The following NBEAL2 variants were observed in gnomAD, a reference collection of about 807,000 sequenced individuals.
NBEAL2 encodes the protein neurobeachin like 2.
A neutral mutation model predicts 299.8 loss-of-function variants in NBEAL2; 160 were observed. The observed-to-expected ratio is 0.53, with a 90% CI of 0.47 to 0.61. NBEAL2 has a LOEUF of 0.61. Among genes scored for constraint, NBEAL2 ranks in the 20% least tolerant of loss-of-function variants. The probability of loss-of-function intolerance (pLI) is 0.00; values close to 1 mark genes in which losing one functional copy is unlikely to be tolerated. For synonymous variants in NBEAL2, 1,493 were observed against 1,542.3 expected, an observed-to-expected ratio of 0.97 and a Z score of 0.75; for missense variants, 3,112 against 3,649.0, an observed-to-expected ratio of 0.85 and a Z score of 3.79.
chr3:47,001,904 T>C lies in NBEAL2; in HGVS notation c.4783-16T>C. On this transcript the variant is annotated splice_polypyrimidine_tract_variant and intron_variant, in intron 30 of 53. Transcript: ENST00000450053. The surrounding 1 kb of genome is among the most constrained non-coding windows in gnomAD (Gnocchi z 6.1). ...CAAGAGTGGCTGGGTGCCACTCATC[T>C]CTCTTGCGCCCACAGCTGCATGCCC... The C allele has an allele frequency of 6.2e-7, 1 of 1,604,958 alleles. No homozygotes were observed. The highest frequency in any genetic ancestry group is 8.5e-7 in the Non-Finnish European group (1 of 1,173,518).
Position 46,996,508 on chromosome 3 carries a change from A to G in NBEAL2, c.2389A>G (p.Thr797Ala), listed in dbSNP as rs538840044. Reference protein sequence around the residue: ...GTQDTRWGSPTSLEGELGAVA... With the variant: ...GTQDTRWGSPASLEGELGAVA... ...CCAGGACACTCGGTGGGGCAGCCCC[A>G]CATCCCTGGAGGGTGAGCTGGGGGC... is the stretch of plus-strand genomic sequence containing the variant. The change falls in exon 16 of 54, where the codon ACA becomes GCA. Residue 797 changes from threonine to alanine, a missense_variant. Thr to Ala is a moderately conservative substitution (Grantham distance 58). Transcript: ENST00000450053. The G allele has an allele frequency of 3.8e-6, 6 of 1,576,884 alleles. No homozygotes were observed. In the Admixed American group the frequency reaches 8.8e-5, roughly 23 times the overall value.
chr3:46,994,931 T>C (rs1272239749), intron 12 of NBEAL2, 101 bp from the exon 13 acceptor site: 8 of 1,439,550 alleles, frequency 5.6e-6, no homozygotes, highest in East Asian at 5.0e-5. Context: ...GAGTAGATCA[T>C]GTTGCTGACT....
chr3:47,008,323 T>C lies in NBEAL2; in HGVS notation c.7760T>C (p.Phe2587Ser), dbSNP rs367818981. The C allele has an allele frequency of 1.2e-6, 2 of 1,613,284 alleles. No homozygotes were observed. The highest frequency in any genetic ancestry group is 1.7e-6 in the Non-Finnish European group (2 of 1,179,608). Reference protein sequence around the residue: ...VIIHTVRRGQFVAALRPLGAT... With the variant: ...VIIHTVRRGQSVAALRPLGAT... ...ATACACACTGTACGCCGCGGACAGT[T>C]TGTAGCGGCACTACGGCCTCTGGGT... Residue 2587 changes from phenylalanine to serine, a missense_variant, in exon 51 of 54, where the codon TTT becomes TCT. Phe to Ser is a radical substitution (Grantham distance 155). Coordinates refer to ENST00000450053, the MANE Select transcript of NBEAL2 (RefSeq NM_015175.3).
intron 52 of NBEAL2, 52 bp downstream of exon 52, chr3:47,008,720 G>C: frequency 6.2e-7 from 1 of 1,606,266 alleles, no homozygotes; most frequent in Non-Finnish European, 8.5e-7. Flanking sequence ...GGTCATTGGT[G>C]TAGGATAAAG....
Position 47,008,345 on chromosome 3 carries a change from G to A in NBEAL2, c.7782G>A (p.Leu2594=). Residue 2594 remains leucine, a synonymous_variant, in exon 51 of 54, where the codon CTG becomes CTA. Coordinates refer to ENST00000450053, the MANE Select transcript of NBEAL2 (RefSeq NM_015175.3). ...RGQFVAALRP[L]GATFPGPIFH... ...AGTTTGTAGCGGCACTACGGCCTCT[G>A]GGTGCCACATTCCCTGGACCTATTT... 2 of 1,613,494 alleles carry A rather than the reference G, an allele frequency of 1.2e-6. No homozygotes were observed. Among genetic ancestry groups the A allele is most frequent in the Non-Finnish European group, 1.7e-6 (2 of 1,179,626 alleles).
intron 1 of NBEAL2, among the ~76,000 whole-genome samples, chr3:46,983,529 C>T (rs1458665360): frequency 1.3e-5 from 2 of 152,076 alleles, no homozygotes; most frequent in Non-Finnish European, 2.9e-5. Context: ...AGGCTGCTCT[C>T]AAACTCCTGA....
intron 26 of NBEAL2, 34 bp from the exon 27 acceptor site, chr3:46,999,855 G>A: frequency 6.3e-7 from 1 of 1,599,162 alleles, no homozygotes. Context: ...CAGGCAGTTG[G>A]ATGCGTCCTC....
chr3:46,990,373 C>T (rs1312961023), intron 6 of NBEAL2, among the ~76,000 whole-genome samples: 1 of 152,202 alleles, frequency 6.6e-6, no homozygotes, highest in Non-Finnish European at 1.5e-5. Flanking sequence ...GTCAACCTGA[C>T]GTCCTCAAGA....
chr3:47,005,749 G>T lies in NBEAL2; in HGVS notation c.6703G>T (p.Gly2235Cys). ...GTCCTCTGTGCCAGGTTTTGACCTG[G>T]GCTGTCTCCAGCTGACCAACGAGAA... is the stretch of plus-strand genomic sequence containing the variant. ...FLENQNGFDL[G>C]CLQLTNEKVG... The change falls in exon 42 of 54, where the codon GGC becomes TGC. Residue 2235 changes from glycine to cysteine, a missense_variant. Around this residue, in one of 3 missense-constraint regions of NBEAL2, gnomAD observed 521 missense variants for 729.6 expected, o/e 0.71. Transcript: ENST00000450053. 1 of 1,613,292 alleles carries T rather than the reference G, an allele frequency of 6.2e-7. No individual in the cohort carries two copies.
chr3:46,979,917 GC>G lies in NBEAL2; in HGVS notation c.51+8del. 2.5e-6 allele frequency: 1 copy of G among 392,452 alleles called. No individual in the cohort carries two copies. The highest frequency in any genetic ancestry group is 4.0e-5 in the East Asian group (1 of 24,776). The allele number at this position is 392,452 out of a possible 1,614,324, so 24.3% of individuals were successfully genotyped here. A position where few individuals can be genotyped will look rare whatever the true frequency, so the allele number is the denominator to read the frequency against. ...TGGCTGCTCTACTACGCGCAGGTGA[GC>G]CCGCCCCGCCCCGCGCCCGCACCCG... On this transcript the variant is annotated splice_donor_region_variant and intron_variant, in intron 1 of 53. Coordinates refer to ENST00000450053, the MANE Select transcript of NBEAL2 (RefSeq NM_015175.3).
In NBEAL2 at chr3:47,007,692, A is replaced by T. The variant is rs1021847283; in HGVS notation, c.7502A>T (p.His2501Leu). ...AAGCTGTTGAGCCAGCTCAGCTGCC[A>T]CCTTGGTATGAACAGCCTTGGAGCT... is the stretch of plus-strand genomic sequence containing the variant. ...RGKLLSQLSC[H>L]LDVVTCLALD... The change falls in exon 48 of 54, where the codon CAC (histidine) becomes CTC (leucine). Residue 2501 changes from histidine (H) to leucine (L), a missense_variant. Coordinates refer to ENST00000450053, the MANE Select transcript of NBEAL2 (RefSeq NM_015175.3). The T allele has an allele frequency of 6.2e-7, 1 of 1,608,808 alleles. No homozygotes were observed. The highest frequency in any genetic ancestry group is 1.3e-5 in the African/African-American group (1 of 74,810).
rs1402010119 is a variant in NBEAL2 at position 46,988,388 on chromosome 3, G to T, written c.52-281G>T. On this transcript the variant is annotated intron_variant, in intron 1 of 53. Coordinates refer to ENST00000450053, the MANE Select transcript of NBEAL2 (RefSeq NM_015175.3). The surrounding 1 kb of genome is among the most constrained non-coding windows in gnomAD (Gnocchi z 4.4). ...GACCTGCCTAGGACTGCAGGCATTA[G>T]GGAGGTGGGAGCAGAAACTGGGAGG... Among the ~76,000 whole-genome samples, 1 of 152,168 alleles carries T rather than the reference G, an allele frequency of 6.6e-6. No homozygotes were observed. The highest frequency in any genetic ancestry group is 2.4e-5 in the African/African-American group (1 of 41,438).
chr3:46,999,448 G>T lies in NBEAL2; in HGVS notation c.3677G>T (p.Gly1226Val), dbSNP rs1188788989. The change falls in exon 25 of 54, where the codon GGC becomes GTC. Residue 1226 changes from glycine to valine, a missense_variant. Gly to Val is a moderately radical substitution (Grantham distance 109). This residue lies in a region of NBEAL2 where 2,243 missense variants were observed against 2,538.1 expected (regional missense o/e 0.88). Coordinates refer to ENST00000450053, the MANE Select transcript of NBEAL2 (RefSeq NM_015175.3). ...EGTVSPQLCQGLYKLFLGADC... is the reference protein window; with the variant it reads ...EGTVSPQLCQVLYKLFLGADC... ...ACTGTTTCCCCCCAGCTCTGCCAGG[G>T]CCTCTACAAGCTGTTCCTGGGGGCA... 1 of 1,581,110 alleles carries T rather than the reference G, an allele frequency of 6.3e-7. No individual in the cohort carries two copies. Among genetic ancestry groups the T allele is most frequent in the Non-Finnish European group, 8.6e-7 (1 of 1,163,804 alleles).
Position 46,996,645 on chromosome 3 carries a change from C to CA in NBEAL2, c.2473+53_2473+54insA, listed in dbSNP as rs11396344. ...AGCCCCAGGCCAGAAGCTAGGGGTC[C>CA]GGGGGGAGAAGGCATCTCTGGGGGT... On this transcript the variant is annotated intron_variant, in intron 16 of 53. Coordinates refer to ENST00000450053, the MANE Select transcript of NBEAL2 (RefSeq NM_015175.3). The CA allele has an allele frequency of 0.99, 1,506,334 of 1,520,700 alleles. 747,030 individuals carry two copies. The highest frequency in any genetic ancestry group is 1 in the East Asian group (42,631 of 42,632). 94.2% of individuals were successfully genotyped at this position (1,520,700 alleles called of 1,614,324 possible).
At chr3:47,008,748 A>G in intron 52 of NBEAL2, 80 bp downstream of exon 52, 1 of 1,574,360 alleles carries the variant, frequency 6.4e-7, no homozygotes, top group South Asian at 1.1e-5. Context: ...GAACCCACAC[A>G]CCATACATGT....
rs749493505 is a variant in NBEAL2 at position 46,989,399 on chromosome 3, G to A, written c.473+18G>A. The A allele has an allele frequency of 6.4e-7, 1 of 1,572,314 alleles. No individual in the cohort carries two copies. The highest frequency in any genetic ancestry group is 1.9e-5 in the Admixed American group (1 of 53,200). On this transcript the variant is annotated intron_variant, in intron 5 of 53. Transcript: ENST00000450053. The surrounding 1 kb of genome is among the most constrained non-coding windows in gnomAD (Gnocchi z 5.5). Reference sequence around the variant, plus strand: ...CGCAGTGGGTGAGACCCAGCCCACAGGAAGGGAACCCAGAGGAGGGTGGGG... The same window carrying A: ...CGCAGTGGGTGAGACCCAGCCCACAAGAAGGGAACCCAGAGGAGGGTGGGG...
intron 43 of NBEAL2, 24 bp from the exon 44 acceptor site, chr3:47,006,141 T>C: frequency 6.2e-7 from 1 of 1,613,558 alleles, no homozygotes. Context: ...CAGGGAGCCC[T>C]GACTGCTCTG....
chr3:46,996,883 G>A lies in NBEAL2; in HGVS notation c.2556+50G>A, dbSNP rs775267502. The A allele has an allele frequency of 4.2e-5, 68 of 1,608,504 alleles. No homozygotes were observed. In the East Asian group the frequency reaches 6.5e-4, roughly 15 times the overall value. ...GTTGGCTCGACTGTGCTACTTCCCC[G>A]GCTCCCACACTCTGCCTGCCACCCC... On this transcript the variant is annotated intron_variant, in intron 17 of 53. Transcript: ENST00000450053.
intron 9 of NBEAL2, 128 bp from the exon 10 acceptor site, chr3:46,992,345 ACC>A (rs1187690004): frequency 5.9e-6 from 5 of 847,420 alleles, no homozygotes; most frequent in Middle Eastern, 3.3e-4. Flanking sequence ...GGGGCTCAGC[ACC>A]CTACTCTTCC....
Sources: allele counts gnomAD v4.1 joint callset (sites outside exome capture counted in the v4.1 genomes callset), GRCh38; gene constraint gnomAD v4.1.1; regional missense constraint gnomAD v4.1.1; non-coding constraint Gnocchi (gnomAD v3.1); transcripts MANE v1.5; gene names NCBI Gene and HGNC (gene_info 2026-07-23, HGNC 2026-07-21).